The following SHOX variants were observed in gnomAD, a reference collection of about 807,000 sequenced individuals.
SHOX encodes short stature homeobox protein.
In SHOX, 12 loss-of-function variants were observed where a neutral mutation model predicts 29.6. That is an observed-to-expected ratio of 0.41 (90% confidence interval 0.26 to 0.66). SHOX has a LOEUF of 0.66. Ranked by LOEUF, SHOX falls within the 30% of genes least tolerant of loss-of-function variation. The probability of loss-of-function intolerance (pLI) is 0.35; values close to 1 mark genes in which losing one functional copy is unlikely to be tolerated. For synonymous variants in SHOX, 214 were observed against 200.6 expected (o/e 1.07, Z -0.57); for missense variants, 499 against 437.7 (o/e 1.14, Z -1.25).
intron 4 of SHOX, among the ~76,000 whole-genome samples, chrX:642,635 C>T (rs2052876058): frequency 6.6e-6 from 1 of 152,126 alleles, no homozygotes; most frequent in Non-Finnish European, 1.5e-5. Flanking sequence ...TTGCCGACGG[C>T]GGGACCCAGT....
At chrX:652,410 G>A (rs1329295327), downstream of SHOX, among the ~76,000 whole-genome samples, 3 of 143,058 alleles carry the variant, frequency 2.1e-5, no homozygotes, top group Non-Finnish European at 4.5e-5. Flanking sequence ...GGATTTGGCC[G>A]GCCTGACTGC....
At chrX:652,776 C>G (rs1281881165), downstream of SHOX, among the ~76,000 whole-genome samples, 1 of 152,198 alleles carries the variant, frequency 6.6e-6, no homozygotes, top group African/African-American at 2.4e-5. Context: ...TCAGAGCCCT[C>G]TCTTCACCCA....
intron 2 of SHOX, among the ~76,000 whole-genome samples, chrX:635,668 G>A (rs1394584498): frequency 6.6e-6 from 1 of 152,228 alleles, no homozygotes; most frequent in Non-Finnish European, 1.5e-5. Context: ...TGTGCGCAGA[G>A]GGACGGGCGG....
chrX:637,012 T>C (rs1032476168), intron 2 of SHOX, among the ~76,000 whole-genome samples: 2 of 150,574 alleles, frequency 1.3e-5, no homozygotes, highest in African/African-American at 4.9e-5. Context: ...TGTGGCTGCA[T>C]TTTAAAAGGC....
At chrX:631,935 C>A (rs953858025) in intron 1 of SHOX, 1 of 455,996 alleles carries the variant, frequency 2.2e-6, no homozygotes, top group African/African-American at 2.0e-5. Flanking sequence ...GCCTTCCCAG[C>A]GCTCAGCGCC....
chrX:651,929 T>A (rs2053071515), downstream of SHOX, among the ~76,000 whole-genome samples: 1 of 152,054 alleles, frequency 6.6e-6, no homozygotes, highest in Non-Finnish European at 1.5e-5. Context: ...TTAATTTATT[T>A]TTTTTTTTGA....
Position 634,127 on chromosome X carries a change from G to C in SHOX, c.278-491G>C, listed in dbSNP as rs768816990. Among the ~76,000 whole-genome samples, 7 of 152,306 alleles carry C rather than the reference G, an allele frequency of 4.6e-5. No individual in the cohort carries two copies. In the South Asian group the frequency reaches 1.4e-3, roughly 32 times the overall value. ...AACAGGCTTCGGGTAGGGGCTCCTA[G>C]CTCCGCCAGATCGCGGAGGGACCCC... On this transcript the variant is annotated intron_variant, in intron 1 of 4. Transcript: ENST00000686671.
At chrX:642,794 T>G (rs1432962302) in intron 4 of SHOX, among the ~76,000 whole-genome samples, 15 of 128,112 alleles carry the variant, frequency 1.2e-4, no homozygotes, top group East Asian at 2.5e-4. Context: ...GGTACCTGGT[T>G]TCTCTGGAAG....
At chrX:635,903 C>T (rs2052738811) in intron 2 of SHOX, among the ~76,000 whole-genome samples, 1 of 151,338 alleles carries the variant, frequency 6.6e-6, no homozygotes, top group South Asian at 2.1e-4. Context: ...GATCCCCGGA[C>T]CCTGGGGACC....
At chrX:641,635 G>A (rs1429587646) in intron 4 of SHOX, among the ~76,000 whole-genome samples, 2 of 148,092 alleles carry the variant, frequency 1.4e-5, no homozygotes, top group African/African-American at 2.5e-5. Context: ...AGCCAATATC[G>A]CGCCACTGCA....
intron 2 of SHOX, among the ~76,000 whole-genome samples, chrX:636,012 C>T (rs1237795547): frequency 2.0e-5 from 3 of 151,878 alleles, no homozygotes; most frequent in Non-Finnish European, 4.4e-5. Flanking sequence ...AGCCCGTTCC[C>T]GTAGGACTGG....
rs2053032345 is a variant in SHOX, at chrX:650,128, G to C, written c.*5492G>C. The C allele has an allele frequency of 2.4e-6, 1 of 422,898 alleles. No individual in the cohort carries two copies. The highest frequency in any genetic ancestry group is 4.7e-6 in the Non-Finnish European group (1 of 213,014). 26.2% of individuals were successfully genotyped at this position (422,898 alleles called of 1,614,324 possible). On this transcript the variant is annotated 3_prime_UTR_variant, in exon 5 of 5. Transcript: ENST00000686671. ...ACAGGCAGTGGTGACAGGGCCCCTT[G>C]GCTGTGGCTGTCTTCTCCAGCGCCG... is the stretch of plus-strand genomic sequence containing the variant.
chrX:651,232 C>T lies in SHOX; in HGVS notation c.*6596C>T, dbSNP rs1273411609. On this transcript the variant is annotated 3_prime_UTR_variant, in exon 5 of 5. Coordinates refer to ENST00000686671, the MANE Select transcript of SHOX (RefSeq NM_000451.4). ...CTGTTGCTTTTTCTTTTTCCCTCCC[C>T]CATTGACGACATAGCGGCCCCCGCG... 2.0e-5 allele frequency: 9 copies of T among 442,460 alleles called. No homozygotes were observed. In the East Asian group the frequency reaches 6.3e-4, roughly 31 times the overall value. The allele number at this position is 442,460 out of a possible 1,614,324, so 27.4% of individuals were successfully genotyped here.
At chrX:632,009 G>T (rs1358514489) in intron 1 of SHOX, 3 of 455,912 alleles carry the variant, frequency 6.6e-6, no homozygotes, top group Non-Finnish European at 1.3e-5. Context: ...GAAGGCCCCG[G>T]GTCAGCTCGG....
chrX:625,200 CCTT>C (rs1398536404), intron 1 of SHOX, among the ~76,000 whole-genome samples: 4 of 127,958 alleles, frequency 3.1e-5, no homozygotes, highest in Non-Finnish European at 5.0e-5. Flanking sequence ...TCCTCCTCCT[CCTT>C]CTCCTCCTCC....
At chrX:626,054 A>T (rs768489882), upstream of SHOX, among the ~76,000 whole-genome samples, 1 of 6,058 alleles carries the variant, frequency 1.7e-4, no homozygotes, top group Admixed American at 1.4e-3. Flanking sequence ...CTGTGTCTCT[A>T]CCTCTGTCTC....
intron 1 of SHOX, 171 bp downstream of exon 1, chrX:631,345 G>A (rs2052644935): frequency 2.7e-6 from 1 of 368,312 alleles, no homozygotes; most frequent in South Asian, 1.1e-4. Context: ...GGCAGGAGTG[G>A]ACCCGACCGG....
downstream of SHOX, among the ~76,000 whole-genome samples, chrX:654,133 T>C (rs1387753530): frequency 6.6e-6 from 1 of 152,020 alleles, no homozygotes; most frequent in East Asian, 1.9e-4. Context: ...ACTTTTGCAC[T>C]ATAGCATAAT....
intron 2 of SHOX, among the ~76,000 whole-genome samples, chrX:636,040 T>G (rs1342483772): frequency 1.3e-5 from 2 of 151,924 alleles, no homozygotes; most frequent in African/African-American, 4.8e-5. Context: ...GTCAACACAT[T>G]CAAACACAGC....
Sources: allele counts gnomAD v4.1 joint callset (sites outside exome capture counted in the v4.1 genomes callset), GRCh38; gene constraint gnomAD v4.1.1; transcripts MANE v1.5; gene names NCBI Gene and HGNC (gene_info 2026-07-23, HGNC 2026-07-21).